The following BICRAL variants were observed in gnomAD, a reference collection of about 807,000 sequenced individuals.
BICRAL encodes BRD4-interacting chromatin-remodeling complex-associated protein-like.
A neutral mutation model predicts 91.8 loss-of-function variants in BICRAL; 8 were observed. That is an observed-to-expected ratio of 0.09 (90% CI 0.05 to 0.16). BICRAL has a LOEUF of 0.16. Ranked by LOEUF, BICRAL falls within the 10% of genes least tolerant of loss-of-function variation. The pLI, the probability that BICRAL is intolerant of heterozygous loss-of-function variation, is 1.00. For missense variants in BICRAL, 1,038 were observed against 1,310.9 expected (o/e 0.79, Z 3.21); for synonymous variants, 445 against 491.1 (o/e 0.91, Z 1.24).
intron 1 of BICRAL, among the ~76,000 whole-genome samples, chr6:42,771,579 G>A (rs1381462719): frequency 6.6e-6 from 1 of 152,140 alleles, no homozygotes; most frequent in Non-Finnish European, 1.5e-5. Context: ...ATCTAAGTAA[G>A]AGATTTGTTT....
chr6:42,814,674 C>A (rs1188742178), intron 2 of BICRAL, among the ~76,000 whole-genome samples: 1 of 150,986 alleles, frequency 6.6e-6, no homozygotes, highest in African/African-American at 2.4e-5. Flanking sequence ...TACAGGCATG[C>A]GCCACCATGG....
intron 1 of BICRAL, among the ~76,000 whole-genome samples, chr6:42,801,225 TGGCTG>T: frequency 7.0e-6 from 1 of 142,638 alleles, no homozygotes. Flanking sequence ...CACTCCAGCC[TGGCTG>T]GCAGAGCGAG....
intron 1 of BICRAL, among the ~76,000 whole-genome samples, chr6:42,783,453 T>C (rs1762998406): frequency 6.6e-6 from 1 of 152,070 alleles, no homozygotes; most frequent in African/African-American, 2.4e-5. Context: ...TGGAAGGCGC[T>C]AAGATGGCGC....
At chr6:42,795,181 C>T (rs960113723) in intron 1 of BICRAL, among the ~76,000 whole-genome samples, 13 of 152,086 alleles carry the variant, frequency 8.5e-5, no homozygotes, top group African/African-American at 3.1e-4. Flanking sequence ...CCTGTAATCC[C>T]AGCACTTTGG....
chr6:42,858,524 A>AC (rs1276291882), intron 10 of BICRAL, among the ~76,000 whole-genome samples: 1 of 147,454 alleles, frequency 6.8e-6, no homozygotes, highest in East Asian at 2.0e-4. Context: ...TTAAAAAAAA[A>AC]AAAAAAAAAA....
At chr6:42,803,159 T>C (rs927241694) in intron 1 of BICRAL, among the ~76,000 whole-genome samples, 2 of 152,236 alleles carry the variant, frequency 1.3e-5, no homozygotes, top group African/African-American at 4.8e-5. Context: ...ATTACTGTGC[T>C]AAATGTTTGG....
At chr6:42,762,135 T>C (rs551849203) in intron 1 of BICRAL, among the ~76,000 whole-genome samples, 1 of 152,298 alleles carries the variant, frequency 6.6e-6, no homozygotes, top group East Asian at 1.9e-4. Context: ...TTGTACTCTA[T>C]GACTTTCTTG....
chr6:42,805,775 G>A (rs1002973653), intron 1 of BICRAL, among the ~76,000 whole-genome samples: 1 of 152,080 alleles, frequency 6.6e-6, no homozygotes, highest in South Asian at 2.1e-4. Context: ...GCCGAGACGG[G>A]TGGATCACAA....
chr6:42,862,185 C>T (rs1016149930), intron 11 of BICRAL, among the ~76,000 whole-genome samples: 3 of 151,892 alleles, frequency 2.0e-5, no homozygotes, highest in Admixed American at 1.3e-4. Flanking sequence ...AAATACAGAA[C>T]AGTATATATA....
intron 1 of BICRAL, among the ~76,000 whole-genome samples, chr6:42,769,086 G>A (rs770064213): frequency 4.6e-5 from 7 of 152,168 alleles, no homozygotes; most frequent in Non-Finnish European, 5.9e-5. Flanking sequence ...CATTTATTAC[G>A]TCACAGTTCT....
In BICRAL at chr6:42,769,856, A is replaced by C. The variant is rs79281707; in HGVS notation, c.-260-11983A>C. ...AACAAGTACATACATACACAGACAC[A>C]TTTATAACTGAAACAGATTTCCCAA... On this transcript the variant is annotated intron_variant, in intron 1 of 14. Coordinates refer to the BICRAL transcript ENST00000614467. Among the ~76,000 whole-genome samples, 630 of 152,354 alleles carry C rather than the reference A, an allele frequency of 4.1e-3. 10 individuals are homozygous for C. The East Asian group carries it at 0.052, about 13-fold the overall frequency.
chr6:42,809,158 A>C (rs1176771364), intron 1 of BICRAL, among the ~76,000 whole-genome samples: 3 of 132,732 alleles, frequency 2.3e-5, no homozygotes, highest in African/African-American at 8.8e-5. Context: ...CTCATTGTTC[A>C]ACTACCACTT....
At chr6:42,814,501 A>ATG (rs1763926056) in intron 2 of BICRAL, among the ~76,000 whole-genome samples, 1 of 73,494 alleles carries the variant, frequency 1.4e-5, no homozygotes, top group Non-Finnish European at 2.4e-5. Flanking sequence ...GTGTGTGTGT[A>ATG]TATATATATA....
intron 1 of BICRAL, among the ~76,000 whole-genome samples, chr6:42,803,866 C>G (rs1340671848): frequency 6.6e-6 from 1 of 152,306 alleles, no homozygotes; most frequent in Non-Finnish European, 1.5e-5. Flanking sequence ...TATGGTATAG[C>G]CTATTGTTCC....
At chr6:42,788,534 C>G (rs1763172454) in intron 1 of BICRAL, among the ~76,000 whole-genome samples, 1 of 152,032 alleles carries the variant, frequency 6.6e-6, no homozygotes, top group Non-Finnish European at 1.5e-5. Flanking sequence ...GAGCAGCATT[C>G]TTAAGGAATT....
chr6:42,789,056 T>C (rs1763190990), intron 1 of BICRAL, among the ~76,000 whole-genome samples: 1 of 152,150 alleles, frequency 6.6e-6, no homozygotes, highest in Admixed American at 6.6e-5. Context: ...ATGATGAACC[T>C]TGAAATGTTA....
At chr6:42,851,001 A>G (rs1765161193) in intron 6 of BICRAL, among the ~76,000 whole-genome samples, 2 of 151,862 alleles carry the variant, frequency 1.3e-5, no homozygotes, top group South Asian at 4.2e-4. Flanking sequence ...CCCAGCCAAT[A>G]TGGTGAAACC....
rs1022204156 is a variant in BICRAL, at chr6:42,867,639, C to A, written c.*2193C>A. 2 of 152,200 alleles carry A rather than the reference C, an allele frequency of 1.3e-5. No homozygotes were observed. Among genetic ancestry groups the A allele is most frequent in the African/African-American group, 4.8e-5 (2 of 41,434 alleles). The allele number at this position is 152,200 out of a possible 1,614,324, so 9.4% of individuals were successfully genotyped here. A position where few individuals can be genotyped will look rare whatever the true frequency, so the allele number is the denominator to read the frequency against. On this transcript the variant is annotated 3_prime_UTR_variant, in exon 13 of 13. Coordinates refer to ENST00000314073, the MANE Select transcript of BICRAL (RefSeq NM_001393499.1). ...TGCTAGTGAGTTACATTAATTACTG[C>A]AAATCAGTGGAATTCTCAAGAGACA...
intron 6 of BICRAL, among the ~76,000 whole-genome samples, chr6:42,835,789 G>T (rs1013829103): frequency 1.3e-5 from 2 of 152,068 alleles, no homozygotes; most frequent in Non-Finnish European, 2.9e-5. Context: ...CAAAAATTAG[G>T]TGAGTGTGGT....
Sources: allele counts gnomAD v4.1 joint callset (sites outside exome capture counted in the v4.1 genomes callset), GRCh38; gene constraint gnomAD v4.1.1; transcripts MANE v1.5; gene names NCBI Gene and HGNC (gene_info 2026-07-23, HGNC 2026-07-21).